Variants in ARID5B observed in about 807,000 individuals in gnomAD.
ARID5B encodes AT-rich interaction domain 5B.
ARID5B carries 13 observed loss-of-function variants against 97.2 expected under a neutral mutation model. The ratio of observed to expected loss-of-function variants is 0.13; its 90% CI spans 0.09 to 0.21. The LOEUF is 0.21. Ranked by LOEUF, ARID5B falls within the 10% of genes least tolerant of loss-of-function variation. ARID5B has a pLI of 1.00. For synonymous variants in ARID5B, 556 were observed against 570.3 expected (o/e 0.97, Z 0.36); for missense variants, 1,210 against 1,465.3 (o/e 0.83, Z 2.84).
chr10:61,913,744 T>C (rs1320158967), intron 2 of ARID5B, among the ~76,000 whole-genome samples: 2 of 152,110 alleles, frequency 1.3e-5, no homozygotes, highest in African/African-American at 4.8e-5. Flanking sequence ...GCAAGATACC[T>C]TGTTTTGTTT....
rs759477609 is a variant in ARID5B, at chr10:61,946,580, T to C, written c.502+6172T>C. Among the ~76,000 whole-genome samples, 111 of 152,210 alleles carry C rather than the reference T, an allele frequency of 7.3e-4. 1 individual carries two copies. The highest frequency in any genetic ancestry group is 1.2e-3 in the Admixed American group (18 of 15,286). On this transcript the variant is annotated intron_variant, in intron 3 of 9. Transcript: ENST00000279873. ...TCTTAAATAATATATTGTTGCACTA[T>C]ACTATTCATGAATATCATGAAGAAT...
rs1840394183 is a variant in ARID5B at position 62,092,432 on chromosome 10, A to T, written c.2969A>T (p.Glu990Val). 4 of 1,614,102 alleles carry T rather than the reference A, an allele frequency of 2.5e-6. No homozygotes were observed. Among genetic ancestry groups the T allele is most frequent in the Non-Finnish European group, 3.4e-6 (4 of 1,180,034 alleles). ...AGACTGGAGAATTTCAGGAAGATGG[A>T]AGGCATGGTCCACCCAATCCTGCAC... ...HVRLENFRKMEGMVHPILHRK... is the reference protein window; with the variant it reads ...HVRLENFRKMVGMVHPILHRK... Residue 990 changes from glutamate to valine, a missense_variant, in exon 10 of 10, where the codon GAA becomes GTA. Coordinates refer to ENST00000279873, the MANE Select transcript of ARID5B (RefSeq NM_032199.3).
At chr10:61,939,691 A>G (rs1243042853) in intron 2 of ARID5B, among the ~76,000 whole-genome samples, 1 of 152,208 alleles carries the variant, frequency 6.6e-6, no homozygotes, top group Non-Finnish European at 1.5e-5. Flanking sequence ...TAAATTCAAT[A>G]TTTGTGTATA....
At chr10:62,060,767 A>G (rs916025494) in intron 7 of ARID5B, among the ~76,000 whole-genome samples, 10 of 152,228 alleles carry the variant, frequency 6.6e-5, no homozygotes, top group Admixed American at 5.9e-4. Context: ...TATATGAACC[A>G]TGACTGCAGA....
chr10:61,942,944 G>A (rs1385344985), intron 3 of ARID5B, among the ~76,000 whole-genome samples: 1 of 151,338 alleles, frequency 6.6e-6, no homozygotes, highest in African/African-American at 2.5e-5. Context: ...GCTCTCTCCT[G>A]GGGCACAAGA....
chr10:61,939,856 T>C (rs1844368597), intron 2 of ARID5B, among the ~76,000 whole-genome samples: 1 of 152,238 alleles, frequency 6.6e-6, no homozygotes, highest in Non-Finnish European at 1.5e-5. Flanking sequence ...ACCTAAAAAC[T>C]AGCTTTCACC....
At chr10:61,989,155 T>C (rs895782200) in intron 3 of ARID5B, among the ~76,000 whole-genome samples, 1 of 152,110 alleles carries the variant, frequency 6.6e-6, no homozygotes, top group Non-Finnish European at 1.5e-5. Context: ...GGTCTCGATC[T>C]CCTGATCTCA....
intron 5 of ARID5B, among the ~76,000 whole-genome samples, chr10:62,054,628 G>A (rs1053780132): frequency 2.0e-5 from 3 of 152,148 alleles, no homozygotes; most frequent in African/African-American, 7.2e-5. Context: ...GTTTCTGAGT[G>A]TTTCTACACA....
intron 3 of ARID5B, among the ~76,000 whole-genome samples, chr10:61,996,885 G>GAA (rs199599810): frequency 4.2e-5 from 6 of 144,000 alleles, no homozygotes; most frequent in Middle Eastern, 3.4e-3. Context: ...TCTGACAACT[G>GAA]AAAAAAAAAA....
At position 62,067,849 on chromosome 10, in the gene ARID5B, A is replaced by G. The variant is rs180802966; in HGVS notation, c.1102-1851A>G. On this transcript the variant is annotated intron_variant, in intron 7 of 9. Transcript: ENST00000279873. ...GGCTATGGGAGGATTATATGATGTC[A>G]TGGATGCGAAAATCCTTTATAAAAT... 1.2e-3 allele frequency among the ~76,000 whole-genome samples: 176 copies of G among 152,368 alleles called. 1 individual carries two copies. The highest frequency in any genetic ancestry group is 3.4e-3 in the Middle Eastern group (1 of 294).
intron 4 of ARID5B, chr10:62,024,958 A>G (rs1355729388): frequency 1.4e-5 from 4 of 282,234 alleles, no homozygotes; most frequent in East Asian, 5.3e-5. Flanking sequence ...AAGCAGTGCT[A>G]TAAGTAAAAG....
At chr10:61,962,222 G>A (rs1349879293) in intron 3 of ARID5B, among the ~76,000 whole-genome samples, 1 of 152,248 alleles carries the variant, frequency 6.6e-6, no homozygotes, top group South Asian at 2.1e-4. Flanking sequence ...TGAATCCTTC[G>A]GATTGTCTGC....
rs1839056533 is a variant in ARID5B at position 62,000,118 on chromosome 10, T to C, written c.530T>C (p.Ile177Thr). Residue 177 changes from isoleucine to threonine, a missense_variant, in exon 4 of 10, where the codon ATA (isoleucine) becomes ACA (threonine). By Grantham distance (89) the Ile-to-Thr change is moderately conservative (BLOSUM62 -1). This residue lies in a region of ARID5B where 82 missense variants were observed against 79.3 expected (regional missense o/e 1.03). Transcript: ENST00000279873. The surrounding 1 kb of genome is among the most constrained non-coding windows in gnomAD (Gnocchi z 4.4). ...GAGGACGAGGAAGAAACGAACGTGA[T>C]AGTTCTCAGCTACCCCCAGTACTGC... ...LGEDEEETNV[I>T]VLSYPQYCRY... 1 of 1,613,924 alleles carries C rather than the reference T, an allele frequency of 6.2e-7. No homozygotes were observed. Among genetic ancestry groups the C allele is most frequent in the Non-Finnish European group, 8.5e-7 (1 of 1,179,886 alleles).
Position 62,088,184 on chromosome 10 carries a change from C to T in ARID5B, c.1398+2284C>T, listed in dbSNP as rs74156107. 1.7e-3 allele frequency among the ~76,000 whole-genome samples: 256 copies of T among 152,266 alleles called. 1 individual carries two copies. Among genetic ancestry groups the T allele is most frequent in the African/African-American group, 5.8e-3 (242 of 41,566 alleles). On this transcript the variant is annotated intron_variant, in intron 9 of 9. Coordinates refer to ENST00000279873, the MANE Select transcript of ARID5B (RefSeq NM_032199.3). Reference sequence around the variant, plus strand: ...CCCTGGCCAGATGATGCAGATTTCTCAACATCTGCAAGCTTGCAACATAAA... The same window carrying T: ...CCCTGGCCAGATGATGCAGATTTCTTAACATCTGCAAGCTTGCAACATAAA...
In ARID5B at chr10:62,069,814, T is replaced by A; in HGVS notation, c.1199+17T>A. The A allele has an allele frequency of 1.2e-6, 2 of 1,611,422 alleles. No homozygotes were observed. The highest frequency in any genetic ancestry group is 1.7e-6 in the Non-Finnish European group (2 of 1,177,654). ...TTATGAAAGGTAAGAAACCATTTCATGGAATTGCTTAGTTAAAAGTGTGTT... is the reference window on the plus strand; with the variant it reads ...TTATGAAAGGTAAGAAACCATTTCAAGGAATTGCTTAGTTAAAAGTGTGTT... On this transcript the variant is annotated intron_variant, in intron 8 of 9. Transcript: ENST00000279873.
chr10:61,991,076 A>G (rs951219852), intron 3 of ARID5B, among the ~76,000 whole-genome samples: 1 of 151,420 alleles, frequency 6.6e-6, no homozygotes, highest in African/African-American at 2.4e-5. Flanking sequence ...ACACACACCA[A>G]ATTTTGTTAT....
intron 4 of ARID5B, among the ~76,000 whole-genome samples, chr10:62,027,254 C>T (rs1839432185): frequency 7.6e-6 from 1 of 131,286 alleles, no homozygotes; most frequent in Non-Finnish European, 1.6e-5. Flanking sequence ...AAAGTCTTCA[C>T]TGTAGTGATG....
intron 3 of ARID5B, among the ~76,000 whole-genome samples, chr10:61,983,072 G>A (rs1188689388): frequency 6.6e-6 from 1 of 152,164 alleles, no homozygotes; most frequent in Non-Finnish European, 1.5e-5. Flanking sequence ...GCTTGTGTGA[G>A]CCTCTGACTA....
intron 3 of ARID5B, among the ~76,000 whole-genome samples, chr10:61,961,203 G>T (rs1180858730): frequency 6.6e-6 from 1 of 152,056 alleles, no homozygotes; most frequent in Non-Finnish European, 1.5e-5. Context: ...TTAATTTAAA[G>T]AACTTTAAGT....
Sources: gnomAD v4.1 joint callset for allele counts (sites outside exome capture counted in the v4.1 genomes callset) on GRCh38, gnomAD v4.1.1 for gene constraint, gnomAD v4.1.1 regional missense constraint, Gnocchi (gnomAD v3.1) non-coding constraint, MANE v1.5 for transcripts, NCBI Gene and HGNC (gene_info 2026-07-23, HGNC 2026-07-21) for gene names.